The following JAM3 variants were observed in gnomAD, a reference collection of about 807,000 sequenced individuals.
JAM3 encodes junctional adhesion molecule 3, also known as junctional adhesion molecule C.
A neutral mutation model predicts 39.4 loss-of-function variants in JAM3; 31 were observed. That is an observed-to-expected ratio of 0.79 (90% CI 0.59 to 1.06). JAM3 has a LOEUF of 1.06. Among genes scored for constraint, JAM3 ranks in the 50% least tolerant of loss-of-function variants. JAM3 has a pLI of 0.00. For synonymous variants in JAM3, 182 were observed against 148.7 expected (o/e 1.22, Z -1.63); for missense variants, 455 against 391.4 (o/e 1.16, Z -1.37).
At chr11:134,107,642 A>G (rs185495583) in intron 1 of JAM3, among the ~76,000 whole-genome samples, 2 of 152,276 alleles carry the variant, frequency 1.3e-5, no homozygotes, top group South Asian at 2.1e-4. Context: ...CAGTGAGTTC[A>G]TCTACTTTAT....
intron 1 of JAM3, among the ~76,000 whole-genome samples, chr11:134,077,923 A>G (rs1049521192): frequency 1.3e-5 from 2 of 151,816 alleles, no homozygotes; most frequent in Admixed American, 6.6e-5. Context: ...AAGTGCTGAG[A>G]TTACAGGCGT....
rs71038556 is a variant in JAM3 at position 134,076,833 on chromosome 11, C to CTTTT, written c.76+7691_76+7694dup. The stretch of plus-strand genomic sequence containing the variant: ...TTTGCAATCTCACTAACATCTATTG[C>CTTTT]TTTTTTTTTTTTTTTTTTTTGAGAT... On this transcript the variant is annotated intron_variant, in intron 1 of 8. Transcript: ENST00000299106. Among the ~76,000 whole-genome samples, 20 of 118,516 alleles carry CTTTT rather than the reference C, an allele frequency of 1.7e-4. 1 individual carries two copies. Among genetic ancestry groups the CTTTT allele is most frequent in the African/African-American group, 3.4e-4 (10 of 29,826 alleles). 77.8% of individuals were successfully genotyped at this position (118,516 alleles called of 152,430 possible).
At position 134,102,193 on chromosome 11, in the gene JAM3, C is replaced by G. The variant is rs549972134; in HGVS notation, c.76+33034C>G. Among the ~76,000 whole-genome samples, 4 of 152,224 alleles carry G rather than the reference C, an allele frequency of 2.6e-5. No individual in the cohort carries two copies. In the South Asian group the frequency reaches 8.3e-4, roughly 32 times the overall value. The stretch of plus-strand genomic sequence containing the variant: ...TAAGGGATGGAGTTCATATAAAACC[C>G]AGACAGTTCAGCAGTATTCGCTGTC... On this transcript the variant is annotated intron_variant, in intron 1 of 8. Coordinates refer to ENST00000299106, the MANE Select transcript of JAM3 (RefSeq NM_032801.5).
At chr11:134,126,771 G>A (rs1942655913) in intron 1 of JAM3, among the ~76,000 whole-genome samples, 1 of 152,184 alleles carries the variant, frequency 6.6e-6, no homozygotes, top group Admixed American at 6.6e-5. Context: ...GCATGAATCT[G>A]GAAGTAAAAC....
intron 1 of JAM3, among the ~76,000 whole-genome samples, chr11:134,073,657 C>T (rs1941518100): frequency 6.6e-6 from 1 of 152,134 alleles, no homozygotes; most frequent in Non-Finnish European, 1.5e-5. Flanking sequence ...CATCGCCAGT[C>T]CTTAAAGAGC....
At chr11:134,075,021 A>T (rs1220769735) in intron 1 of JAM3, among the ~76,000 whole-genome samples, 44 of 133,556 alleles carry the variant, frequency 3.3e-4, no homozygotes, top group African/African-American at 1.1e-3. Context: ...GGGGTGGGGC[A>T]TGTTTTTCCT....
At position 134,149,726 on chromosome 11, in the gene JAM3, A is replaced by G. The variant is rs1299377118; in HGVS notation, c.*545A>G. On this transcript the variant is annotated 3_prime_UTR_variant, in exon 9 of 9. Transcript: ENST00000299106. ...ATCGGTGTTGCAGTGTCCATTGTGG[A>G]GAAGCTTTTTGGATCAGCATTTTGT... The G allele has an allele frequency of 2.2e-6, 1 of 446,818 alleles. No homozygotes were observed. Among genetic ancestry groups the G allele is most frequent in the African/African-American group, 2.0e-5 (1 of 49,586 alleles). 27.7% of individuals were successfully genotyped at this position (446,818 alleles called of 1,614,324 possible).
At chr11:134,101,838 G>T (rs923455336) in intron 1 of JAM3, among the ~76,000 whole-genome samples, 32 of 152,146 alleles carry the variant, frequency 2.1e-4, no homozygotes, top group Admixed American at 6.6e-5. Context: ...GGGCTGAGGT[G>T]AGAGGATTGC....
rs181025989 is a variant in JAM3, at chr11:134,107,424, A to G, written c.77-32427A>G. ...TGCAGCACACCAACATGGCACATGT[A>G]TACATGTGTAACAAACCTGCACGTT... On this transcript the variant is annotated intron_variant, in intron 1 of 8. Coordinates refer to ENST00000299106, the MANE Select transcript of JAM3 (RefSeq NM_032801.5). 1.7e-4 allele frequency among the ~76,000 whole-genome samples: 26 copies of G among 152,306 alleles called. No homozygotes were observed. In the South Asian group the frequency reaches 3.7e-3, roughly 22 times the overall value.
intron 1 of JAM3, among the ~76,000 whole-genome samples, chr11:134,097,191 G>A (rs184595441): frequency 2.0e-5 from 3 of 152,266 alleles, no homozygotes; most frequent in East Asian, 3.9e-4. Flanking sequence ...TAGTGAATGT[G>A]TTTTGATTAC....
intron 1 of JAM3, among the ~76,000 whole-genome samples, chr11:134,104,026 A>G (rs1942131122): frequency 6.6e-6 from 1 of 152,098 alleles, no homozygotes; most frequent in Non-Finnish European, 1.5e-5. Flanking sequence ...CATCTACAGA[A>G]CTCTCCACCC....
At chr11:134,148,994 ACT>A (rs1491517130) in intron 8 of JAM3, 150 bp from the exon 9 acceptor site, 62 of 985,870 alleles carry the variant, frequency 6.3e-5, no homozygotes, top group Admixed American at 1.9e-4. Context: ...ACACACACAC[ACT>A]AATGGGATTT....
intron 1 of JAM3, among the ~76,000 whole-genome samples, chr11:134,111,222 C>A (rs1463597842): frequency 6.9e-6 from 1 of 144,536 alleles, no homozygotes; most frequent in East Asian, 2.0e-4. Flanking sequence ...CGGCTCACTG[C>A]AAGCTTCGCC....
intron 1 of JAM3, among the ~76,000 whole-genome samples, chr11:134,088,567 A>G (rs528269203): frequency 2.6e-5 from 4 of 152,314 alleles, no homozygotes; most frequent in East Asian, 1.9e-4. Flanking sequence ...TGTACAACCA[A>G]TTCTAATGAC....
chr11:134,124,012 C>A, intron 1 of JAM3: 5 of 1,488,020 alleles, frequency 3.4e-6, no homozygotes, highest in Non-Finnish European at 4.7e-6. Context: ...GGTGCCCTTC[C>A]CAATCCCGCA....
chr11:134,115,983 C>T (rs1481044394), intron 1 of JAM3, among the ~76,000 whole-genome samples: 3 of 152,082 alleles, frequency 2.0e-5, no homozygotes, highest in African/African-American at 7.2e-5. Flanking sequence ...TATATAATAT[C>T]ATCATGACAT....
chr11:134,145,061 A>T, intron 5 of JAM3, 67 bp downstream of exon 5: 1 of 1,314,592 alleles, frequency 7.6e-7, no homozygotes, highest in East Asian at 2.3e-5. Context: ...TTATTGTGAA[A>T]AGAAGATTAG....
intron 1 of JAM3, among the ~76,000 whole-genome samples, chr11:134,084,742 A>C (rs771165201): frequency 6.6e-6 from 1 of 152,202 alleles, no homozygotes; most frequent in Non-Finnish European, 1.5e-5. Context: ...CCTCGCTTAC[A>C]AAGGAACCAC....
intron 1 of JAM3, among the ~76,000 whole-genome samples, chr11:134,077,331 A>G (rs1183734709): frequency 2.0e-5 from 3 of 149,272 alleles, no homozygotes; most frequent in African/African-American, 7.4e-5. Flanking sequence ...TAAGTTCCTT[A>G]TAGATTCTGG....
Sources: gnomAD v4.1 joint callset for allele counts (sites outside exome capture counted in the v4.1 genomes callset) on GRCh38, gnomAD v4.1.1 for gene constraint, MANE v1.5 for transcripts, NCBI Gene and HGNC (gene_info 2026-07-23, HGNC 2026-07-21) for gene names.